The following MMP16 variants were observed in gnomAD, a reference collection of about 807,000 sequenced individuals.
The protein encoded by MMP16 is matrix metallopeptidase 16, also known as matrix metalloproteinase-16.
A neutral mutation model predicts 67.8 loss-of-function variants in MMP16; 12 were observed. That is an observed-to-expected ratio of 0.18 (90% CI 0.11 to 0.29). The LOEUF is 0.29. Among genes scored for constraint, MMP16 ranks in the 10% least tolerant of loss-of-function variants. MMP16 has a pLI of 1.00. For missense variants in MMP16, 475 were observed against 765.7 expected (o/e 0.62, Z 4.48); for synonymous variants, 249 against 255.9 (o/e 0.97, Z 0.26).
intron 1 of MMP16, among the ~76,000 whole-genome samples, chr8:88,283,549 C>T (rs1810775377): frequency 2.0e-5 from 3 of 152,236 alleles, no homozygotes; most frequent in African/African-American, 4.8e-5. Flanking sequence ...CCCTTCCTAT[C>T]TCACCCCCAG....
intron 6 of MMP16, among the ~76,000 whole-genome samples, chr8:88,086,363 GA>G (rs1276853807): frequency 6.6e-6 from 1 of 151,902 alleles, no homozygotes; most frequent in Non-Finnish European, 1.5e-5. Flanking sequence ...TTTGAGATCT[GA>G]AGATCGTATT....
Position 88,033,719 on chromosome 8 carries a change from G to A in MMP16, c.*7742C>T, listed in dbSNP as rs919932921. 1 of 151,912 alleles carries A rather than the reference G, an allele frequency of 6.6e-6. No homozygotes were observed. The highest frequency in any genetic ancestry group is 2.4e-5 in the African/African-American group (1 of 41,378). 9.4% of individuals were successfully genotyped at this position (151,912 alleles called of 1,614,324 possible). On this transcript the variant is annotated 3_prime_UTR_variant, in exon 10 of 10. Transcript: ENST00000286614. Reference sequence around the variant, plus strand: ...GCCTGAAACAAATTTTTATGGTCGAGTCTCTAAAACCCCTGAAAATAGAGG... The same window carrying A: ...GCCTGAAACAAATTTTTATGGTCGAATCTCTAAAACCCCTGAAAATAGAGG...
At chr8:88,118,482 A>T (rs765855084) in intron 5 of MMP16, among the ~76,000 whole-genome samples, 8 of 152,064 alleles carry the variant, frequency 5.3e-5, no homozygotes, top group Non-Finnish European at 1.2e-4. Flanking sequence ...AGAAAATTTC[A>T]TCAGTGCTTA....
At chr8:88,203,104 C>CT (rs33928858) in intron 1 of MMP16, among the ~76,000 whole-genome samples, 28,233 of 123,018 alleles carry the variant, frequency 0.23, 5,222 homozygotes, top group East Asian at 0.54. Context: ...ACCAGAACTT[C>CT]TTTTTTTTTT....
intron 1 of MMP16, among the ~76,000 whole-genome samples, chr8:88,215,039 G>A (rs1207019116): frequency 1.3e-5 from 2 of 152,122 alleles, no homozygotes; most frequent in African/African-American, 4.8e-5. Context: ...ATTAAGAAGT[G>A]GCAACTGAGG....
chr8:88,119,384 T>C (rs2118437868), intron 4 of MMP16, among the ~76,000 whole-genome samples: 1 of 152,154 alleles, frequency 6.6e-6, no homozygotes. Flanking sequence ...AAAGCTTTAT[T>C]TTTTTGCTAG....
chr8:88,070,922 A>G (rs918257016), intron 7 of MMP16, among the ~76,000 whole-genome samples: 1 of 152,138 alleles, frequency 6.6e-6, no homozygotes, highest in Non-Finnish European at 1.5e-5. Flanking sequence ...AGAATCTACC[A>G]TTATAGTGCA....
intron 3 of MMP16, 34 bp downstream of exon 3, chr8:88,186,442 G>T: frequency 8.7e-6 from 14 of 1,610,290 alleles, no homozygotes; most frequent in Non-Finnish European, 1.1e-5. Flanking sequence ...ATGAAATATG[G>T]GGAAAAGGGG....
chr8:88,207,150 A>G (rs1455463351), intron 1 of MMP16, among the ~76,000 whole-genome samples: 1 of 152,250 alleles, frequency 6.6e-6, no homozygotes, highest in Non-Finnish European at 1.5e-5. Context: ...AAAAATATAC[A>G]CAAATCTATT....
rs541959918 is a variant in MMP16 at position 88,310,860 on chromosome 8, A to G, written c.132+16215T>C. Among the ~76,000 whole-genome samples, 15 of 152,270 alleles carry G rather than the reference A, an allele frequency of 9.9e-5. No individual in the cohort carries two copies. In the South Asian group the frequency reaches 2.5e-3, roughly 25 times the overall value. On this transcript the variant is annotated intron_variant, in intron 1 of 9. Transcript: ENST00000286614. ...AAATTTGGCCTACATATTTCTAGAC[A>G]CAGGAAGACCAAAACTCAAAGGCAC...
intron 1 of MMP16, among the ~76,000 whole-genome samples, chr8:88,261,934 A>G (rs982512090): frequency 1.3e-4 from 20 of 152,160 alleles, no homozygotes; most frequent in African/African-American, 4.8e-4. Context: ...ATAAATAACT[A>G]AAGACTCAGA....
At chr8:88,221,476 A>G (rs570970164) in intron 1 of MMP16, among the ~76,000 whole-genome samples, 3 of 152,128 alleles carry the variant, frequency 2.0e-5, no homozygotes, top group African/African-American at 7.2e-5. Context: ...AGCAAATAAC[A>G]TAACATTTAA....
intron 4 of MMP16, among the ~76,000 whole-genome samples, chr8:88,129,289 C>T (rs1807988095): frequency 6.6e-6 from 1 of 151,622 alleles, no homozygotes; most frequent in African/African-American, 2.4e-5. Context: ...CAGTTCATTG[C>T]CACCTAATTC....
In MMP16 at chr8:88,289,109, AAGAGAC is replaced by A. The variant is rs374680822; in HGVS notation, c.132+37960_132+37965del. On this transcript the variant is annotated intron_variant, in intron 1 of 9. Coordinates refer to ENST00000286614, the MANE Select transcript of MMP16 (RefSeq NM_005941.5). Reference sequence around the variant, plus strand: ...TTTGAATCAGATGGTACAGCCCAGAAAGAGACAGAGACAGAGACAGAGACAGAGAGA... The same window carrying A: ...TTTGAATCAGATGGTACAGCCCAGAAAGAGACAGAGACAGAGACAGAGAGA... Among the ~76,000 whole-genome samples the A allele has an allele frequency of 2.9e-3, 447 of 152,116 alleles. 1 individual carries two copies. The highest frequency in any genetic ancestry group is 4.3e-3 in the East Asian group (22 of 5,174).
intron 7 of MMP16, among the ~76,000 whole-genome samples, chr8:88,072,587 A>T (rs1808577226): frequency 6.6e-6 from 1 of 152,132 alleles, no homozygotes; most frequent in South Asian, 2.1e-4. Flanking sequence ...TGGTTAGAGA[A>T]GTCTGGGACA....
Position 88,250,669 on chromosome 8 carries a change from T to C in MMP16, c.133-53363A>G, listed in dbSNP as rs1176587405. Among the ~76,000 whole-genome samples, 4 of 151,958 alleles carry C rather than the reference T, an allele frequency of 2.6e-5. No individual in the cohort carries two copies. The East Asian group carries it at 7.7e-4, about 29-fold the overall frequency. ...TTCATCTCTTAAAATTCATATTAAA[T>C]ATATATAAGTTTCATTAAGAAACCC... On this transcript the variant is annotated intron_variant, in intron 1 of 9. Transcript: ENST00000286614.
chr8:88,082,915 T>C (rs1282285989), intron 6 of MMP16, among the ~76,000 whole-genome samples: 2 of 151,966 alleles, frequency 1.3e-5, no homozygotes, highest in Non-Finnish European at 2.9e-5. Context: ...CATACCCACA[T>C]GGAGAAAATA....
At chr8:88,228,276 A>G (rs1191657732) in intron 1 of MMP16, among the ~76,000 whole-genome samples, 2 of 152,152 alleles carry the variant, frequency 1.3e-5, no homozygotes, top group African/African-American at 4.8e-5. Flanking sequence ...TTATTATAAG[A>G]AAATAATATG....
At position 88,197,312 on chromosome 8, in the gene MMP16, A is replaced by G; in HGVS notation, c.133-6T>C. On this transcript the variant is annotated splice_region_variant and splice_polypyrimidine_tract_variant and intron_variant, in intron 1 of 9. Coordinates refer to ENST00000286614, the MANE Select transcript of MMP16 (RefSeq NM_005941.5). The stretch of plus-strand genomic sequence containing the variant: ...CCGTACTTTTGTAACCAAACCTGCA[A>G]TAACAAGTACAGTTTCTTTTAGATC... 1.3e-6 allele frequency: 2 copies of G among 1,550,780 alleles called. No homozygotes were observed. Among genetic ancestry groups the G allele is most frequent in the Non-Finnish European group, 1.7e-6 (2 of 1,151,292 alleles).
Sources: allele counts gnomAD v4.1 joint callset (sites outside exome capture counted in the v4.1 genomes callset), GRCh38; gene constraint gnomAD v4.1.1; transcripts MANE v1.5; gene names NCBI Gene and HGNC (gene_info 2026-07-23, HGNC 2026-07-21).